ATP6V1G2: variants seen among roughly 807,000 people sequenced by gnomAD.
ATP6V1G2 encodes ATPase H+ transporting V1 subunit G2.
In ATP6V1G2, 14 loss-of-function variants were observed where a neutral mutation model predicts 17.8. That is an observed-to-expected ratio of 0.79 (90% CI 0.52 to 1.23). ATP6V1G2 has a LOEUF of 1.23. Ranked by LOEUF, ATP6V1G2 falls within the 50% of genes most tolerant of loss-of-function variation. The pLI is 0.00. For synonymous variants in ATP6V1G2, 57 were observed against 54.8 expected, an observed-to-expected ratio of 1.04 and a Z score of -0.17; for missense variants, 112 against 152.2, an observed-to-expected ratio of 0.74 and a Z score of 1.39.
Position 31,546,036 on chromosome 6 carries a change from C to T in ATP6V1G2, c.183+73G>A. Reference sequence around the variant, plus strand: ...CTGCCACCATATTTTCTTGTTGAGTCACCCTTACACACCTCACTAGATGCA... The same window carrying T: ...CTGCCACCATATTTTCTTGTTGAGTTACCCTTACACACCTCACTAGATGCA... On this transcript the variant is annotated intron_variant, in intron 2 of 2. Transcript: ENST00000303892. The surrounding 1 kb of genome is among the most constrained non-coding windows in gnomAD (Gnocchi z 4.1). 1 of 1,458,928 alleles carries T rather than the reference C, an allele frequency of 6.9e-7. No individual in the cohort carries two copies. The highest frequency in any genetic ancestry group is 1.4e-5 in the African/African-American group (1 of 71,702). 90.4% of individuals were successfully genotyped at this position (1,458,928 alleles called of 1,614,324 possible).
At position 31,545,183 on chromosome 6, in the gene ATP6V1G2, A is replaced by C; in HGVS notation, c.*225T>G. The C allele has an allele frequency of 1.6e-6, 1 of 616,904 alleles. No individual in the cohort carries two copies. The highest frequency in any genetic ancestry group is 2.8e-6 in the Non-Finnish European group (1 of 357,856). The allele number at this position is 616,904 out of a possible 1,614,324, so 38.2% of individuals were successfully genotyped here. A position where few individuals can be genotyped will look rare whatever the true frequency, so the allele number is the denominator to read the frequency against. The stretch of plus-strand genomic sequence containing the variant: ...ACAAATTTCACAGAGGGTTTAGGTG[A>C]GAATGACTTGGAAGTTTACAAAGTC... On this transcript the variant is annotated 3_prime_UTR_variant, in exon 3 of 3. Coordinates refer to ENST00000303892, the MANE Select transcript of ATP6V1G2 (RefSeq NM_130463.4). This position sits in a 1 kb window ranked among gnomAD's most constrained non-coding sequence, Gnocchi z 4.9.
Position 31,544,776 on chromosome 6 carries a change from C to G in ATP6V1G2, c.*632G>C, listed in dbSNP as rs1453240903. ...GAAGGTCTCTGGGAAAAGAGAAGAA[C>G]CAATTTTTCAGAAAATAACTAGGGT... On this transcript the variant is annotated 3_prime_UTR_variant, in exon 3 of 3. Transcript: ENST00000303892. 1 of 456,236 alleles carries G rather than the reference C, an allele frequency of 2.2e-6. No individual in the cohort carries two copies. The highest frequency in any genetic ancestry group is 4.4e-6 in the Non-Finnish European group (1 of 226,824). 28.3% of individuals were successfully genotyped at this position (456,236 alleles called of 1,614,324 possible).
chr6:31,546,134 T>C lies in ATP6V1G2; in HGVS notation c.158A>G (p.His53Arg), dbSNP rs200015995. 47 of 1,614,022 alleles carry C rather than the reference T, an allele frequency of 2.9e-5. No homozygotes were observed. The East Asian group carries it at 1.0e-3, about 36-fold the overall frequency. ...CGCCTGCTGCTTGCTCTGGAATTCG[T>C]GCTCTCGCTCTCTGCGGTATTGCTC... ...EVEQYRREREHEFQSKQQAAM... is the reference protein window; with the variant it reads ...EVEQYRREREREFQSKQQAAM... Residue 53 changes from histidine to arginine, a missense_variant, in exon 2 of 3, where the codon CAC becomes CGC. Transcript: ENST00000303892. This position sits in a 1 kb window ranked among gnomAD's most constrained non-coding sequence, Gnocchi z 4.1.
rs1768930015 is a variant in ATP6V1G2 at position 31,545,781 on chromosome 6, T to C, written c.184-200A>G. On this transcript the variant is annotated intron_variant, in intron 2 of 2. Coordinates refer to ENST00000303892, the MANE Select transcript of ATP6V1G2 (RefSeq NM_130463.4). The surrounding 1 kb of genome is among the most constrained non-coding windows in gnomAD (Gnocchi z 4.9). Reference sequence around the variant, plus strand: ...CCCTTAGACCTAACATGCAACTTCATCCTAAAACAGACCGTAATATCCCCA... The same window carrying C: ...CCCTTAGACCTAACATGCAACTTCACCCTAAAACAGACCGTAATATCCCCA... 3 of 651,782 alleles carry C rather than the reference T, an allele frequency of 4.6e-6. No individual in the cohort carries two copies. In the South Asian group the frequency reaches 5.9e-5, roughly 13 times the overall value. 40.4% of individuals were successfully genotyped at this position (651,782 alleles called of 1,614,324 possible).
At position 31,545,372 on chromosome 6, in the gene ATP6V1G2, G is replaced by A; in HGVS notation, c.*36C>T. 2 of 1,597,336 alleles carry A rather than the reference G, an allele frequency of 1.3e-6. No individual in the cohort carries two copies. Among genetic ancestry groups the A allele is most frequent in the South Asian group, 2.2e-5 (2 of 89,438 alleles). ...TTGATTGGAGGATTTCTTTGAGGGA[G>A]GGAACTGGCAGAAGGAGTCAGGCCC... On this transcript the variant is annotated 3_prime_UTR_variant, in exon 3 of 3. Transcript: ENST00000303892. The surrounding 1 kb of genome is among the most constrained non-coding windows in gnomAD (Gnocchi z 4.9).
chr6:31,544,618 A>G lies in ATP6V1G2; in HGVS notation c.*790T>C, dbSNP rs564346773. On this transcript the variant is annotated 3_prime_UTR_variant, in exon 3 of 3. Coordinates refer to ENST00000303892, the MANE Select transcript of ATP6V1G2 (RefSeq NM_130463.4). ...GAGCATCTGATAAGTCTTTGGGGAA[A>G]TAGGAAAGGAGGAAAATCTAATAAA... 10 of 439,242 alleles carry G rather than the reference A, an allele frequency of 2.3e-5. No homozygotes were observed. Among genetic ancestry groups the G allele is most frequent in the African/African-American group, 8.2e-5 (4 of 48,934 alleles). 27.2% of individuals were successfully genotyped at this position (439,242 alleles called of 1,614,324 possible). A position where few individuals can be genotyped will look rare whatever the true frequency, so the allele number is the denominator to read the frequency against.
At position 31,545,883 on chromosome 6, in the gene ATP6V1G2, T is replaced by C. The variant is rs1163172344; in HGVS notation, c.183+226A>G. The C allele has an allele frequency of 4.5e-5, 28 of 617,770 alleles. No individual in the cohort carries two copies. The Admixed American group carries it at 7.4e-4, about 16-fold the overall frequency. 38.3% of individuals were successfully genotyped at this position (617,770 alleles called of 1,614,324 possible). ...TCATACTCCACATAGATGTTATACT[T>C]TACACAGACTGTGGCATTCCGCCCA... On this transcript the variant is annotated intron_variant, in intron 2 of 2. Coordinates refer to ENST00000303892, the MANE Select transcript of ATP6V1G2 (RefSeq NM_130463.4). The surrounding 1 kb of genome is among the most constrained non-coding windows in gnomAD (Gnocchi z 4.9).
chr6:31,546,201 G>A lies in ATP6V1G2; in HGVS notation c.91C>T (p.Arg31Trp). 7 of 1,613,878 alleles carry A rather than the reference G, an allele frequency of 4.3e-6. No individual in the cohort carries two copies. The highest frequency in any genetic ancestry group is 5.1e-6 in the Non-Finnish European group (6 of 1,179,976). Residue 31 changes from arginine (R) to tryptophan (W), a missense_variant, in exon 2 of 3, where the codon CGG (arginine) becomes TGG (tryptophan). Transcript: ENST00000303892. This position sits in a 1 kb window ranked among gnomAD's most constrained non-coding sequence, Gnocchi z 4.1. Reference sequence around the variant, plus strand: ...TCCTCCTTTGCCTGCTTCAGTCGCCGGGCCTTCCCTGGAGGCAGAAGAAAG... The same window carrying A: ...TCCTCCTTTGCCTGCTTCAGTCGCCAGGCCTTCCCTGGAGGCAGAAGAAAG... Reference protein sequence around the residue: ...KVADARKRKARRLKQAKEEAQ... With the variant: ...KVADARKRKAWRLKQAKEEAQ...
chr6:31,546,060 C>T lies in ATP6V1G2; in HGVS notation c.183+49G>A. 6.3e-7 allele frequency: 1 copy of T among 1,577,326 alleles called. No individual in the cohort carries two copies. Among genetic ancestry groups the T allele is most frequent in the Non-Finnish European group, 8.7e-7 (1 of 1,146,640 alleles). Reference sequence around the variant, plus strand: ...TCACCCTTACACACCTCACTAGATGCACCCACCAACTTGCAGTGGGGTCTC... The same window carrying T: ...TCACCCTTACACACCTCACTAGATGTACCCACCAACTTGCAGTGGGGTCTC... On this transcript the variant is annotated intron_variant, in intron 2 of 2. Transcript: ENST00000303892. This position sits in a 1 kb window ranked among gnomAD's most constrained non-coding sequence, Gnocchi z 4.1.
Position 31,545,404 on chromosome 6 carries a change from GGCCCTAGGCAGAAAT to G in ATP6V1G2, c.346_*3del. 1 of 1,613,392 alleles carries G rather than the reference GGCCCTAGGCAGAAAT, an allele frequency of 6.2e-7. No homozygotes were observed. The highest frequency in any genetic ancestry group is 8.5e-7 in the Non-Finnish European group (1 of 1,179,720). ...GGCAGAAGGAGTCAGGCCCTACGGT[GGCCCTAGGCAGAAAT>G]CCGGTAGTTGGGGTGGACCTGGGGC... On this transcript the variant is annotated stop_lost and 3_prime_UTR_variant, in exon 3 of 3. Coordinates refer to ENST00000303892, the MANE Select transcript of ATP6V1G2 (RefSeq NM_130463.4). This position sits in a 1 kb window ranked among gnomAD's most constrained non-coding sequence, Gnocchi z 4.9.
At position 31,545,260 on chromosome 6, in the gene ATP6V1G2, A is replaced by G. The variant is rs1768870855; in HGVS notation, c.*148T>C. ...AGATTCAGATGTGAGCAGGATATTT[A>G]TAAGTGTCACAGGAAAATTATTGGA... On this transcript the variant is annotated 3_prime_UTR_variant, in exon 3 of 3. Coordinates refer to ENST00000303892, the MANE Select transcript of ATP6V1G2 (RefSeq NM_130463.4). This position sits in a 1 kb window ranked among gnomAD's most constrained non-coding sequence, Gnocchi z 4.9. 2.2e-6 allele frequency: 2 copies of G among 924,036 alleles called. No individual in the cohort carries two copies. Among genetic ancestry groups the G allele is most frequent in the East Asian group, 2.6e-5 (1 of 37,820 alleles). The allele number at this position is 924,036 out of a possible 1,614,324, so 57.2% of individuals were successfully genotyped here.
chr6:31,545,249 G>A lies in ATP6V1G2; in HGVS notation c.*159C>T, dbSNP rs1489433503. On this transcript the variant is annotated 3_prime_UTR_variant, in exon 3 of 3. Transcript: ENST00000303892. The surrounding 1 kb of genome is among the most constrained non-coding windows in gnomAD (Gnocchi z 4.9). ...GAACAACAAGGAGATTCAGATGTGA[G>A]CAGGATATTTATAAGTGTCACAGGA... 3.6e-6 allele frequency: 3 copies of A among 841,436 alleles called. No individual in the cohort carries two copies. Among genetic ancestry groups the A allele is most frequent in the Non-Finnish European group, 3.7e-6 (2 of 547,708 alleles). The allele number at this position is 841,436 out of a possible 1,614,324, so 52.1% of individuals were successfully genotyped here.
chr6:31,545,765 C>G lies in ATP6V1G2; in HGVS notation c.184-184G>C, dbSNP rs557208378. 3 of 688,484 alleles carry G rather than the reference C, an allele frequency of 4.4e-6. No homozygotes were observed. The highest frequency in any genetic ancestry group is 2.9e-5 in the Admixed American group (1 of 34,098). The allele number at this position is 688,484 out of a possible 1,614,324, so 42.6% of individuals were successfully genotyped here. ...AACACAGTCCCCTTTCCCCTTAGACCTAACATGCAACTTCATCCTAAAACA... is the reference window on the plus strand; with the variant it reads ...AACACAGTCCCCTTTCCCCTTAGACGTAACATGCAACTTCATCCTAAAACA... On this transcript the variant is annotated intron_variant, in intron 2 of 2. Transcript: ENST00000303892. The surrounding 1 kb of genome is among the most constrained non-coding windows in gnomAD (Gnocchi z 4.9).
Position 31,545,423 on chromosome 6 carries a change from G to A in ATP6V1G2, c.342C>T (p.Tyr114=). ...CDVRPQVHPN[Y]RISA ...TACGGTGGCCCTAGGCAGAAATCCG[G>A]TAGTTGGGGTGGACCTGGGGCCTGA... Residue 114 remains tyrosine (Y), a synonymous_variant, in exon 3 of 3, where the codon TAC becomes TAT. Coordinates refer to ENST00000303892, the MANE Select transcript of ATP6V1G2 (RefSeq NM_130463.4). The surrounding 1 kb of genome is among the most constrained non-coding windows in gnomAD (Gnocchi z 4.9). 6.2e-7 allele frequency: 1 copy of A among 1,613,946 alleles called. No homozygotes were observed. The highest frequency in any genetic ancestry group is 8.5e-7 in the Non-Finnish European group (1 of 1,179,950).
chr6:31,546,574 C>G lies in ATP6V1G2; in HGVS notation c.-15G>C. Reference sequence around the variant, plus strand: ...TGACTGGCCATTTCTGTTGTTATGGCCGATGCTGTTTTGAATGCTGTCAAA... The same window carrying G: ...TGACTGGCCATTTCTGTTGTTATGGGCGATGCTGTTTTGAATGCTGTCAAA... On this transcript the variant is annotated 5_prime_UTR_variant, in exon 1 of 3. Transcript: ENST00000303892. The surrounding 1 kb of genome is among the most constrained non-coding windows in gnomAD (Gnocchi z 4.1). The G allele has an allele frequency of 6.2e-7, 1 of 1,611,562 alleles. No individual in the cohort carries two copies. The highest frequency in any genetic ancestry group is 8.5e-7 in the Non-Finnish European group (1 of 1,178,320).
rs1480956037 is a variant in ATP6V1G2 at position 31,544,816 on chromosome 6, G to T, written c.*592C>A. 4.8e-5 allele frequency: 22 copies of T among 455,410 alleles called. No individual in the cohort carries two copies. Among genetic ancestry groups the T allele is most frequent in the Non-Finnish European group, 8.8e-5 (20 of 226,582 alleles). 28.2% of individuals were successfully genotyped at this position (455,410 alleles called of 1,614,324 possible). A position where few individuals can be genotyped will look rare whatever the true frequency, so the allele number is the denominator to read the frequency against. On this transcript the variant is annotated 3_prime_UTR_variant, in exon 3 of 3. Coordinates refer to ENST00000303892, the MANE Select transcript of ATP6V1G2 (RefSeq NM_130463.4). The stretch of plus-strand genomic sequence containing the variant: ...ATAACTAGGGTCACAGAATGAACAA[G>T]TGGAATTAGAGAGCCAGTGATGGAC...
chr6:31,545,441 G>T lies in ATP6V1G2; in HGVS notation c.324C>A (p.Pro108=). The T allele has an allele frequency of 6.2e-7, 1 of 1,613,984 alleles. No homozygotes were observed. The highest frequency in any genetic ancestry group is 1.3e-5 in the African/African-American group (1 of 75,034). Reference sequence around the variant, plus strand: ...AAATCCGGTAGTTGGGGTGGACCTGGGGCCTGACGTCGCAGACCATGCCAA... The same window carrying T: ...AAATCCGGTAGTTGGGGTGGACCTGTGGCCTGACGTCGCAGACCATGCCAA... ...QLLGMVCDVR[P]QVHPNYRISA is the part of the protein sequence containing the mutation. The change falls in exon 3 of 3, where the codon CCC becomes CCA. Residue 108 remains proline (P), a synonymous_variant. Coordinates refer to ENST00000303892, the MANE Select transcript of ATP6V1G2 (RefSeq NM_130463.4). This position sits in a 1 kb window ranked among gnomAD's most constrained non-coding sequence, Gnocchi z 4.9.
rs546830939 is a variant in ATP6V1G2, at chr6:31,544,681, A to G, written c.*727T>C. The G allele has an allele frequency of 6.6e-5, 30 of 455,822 alleles. No individual in the cohort carries two copies. The highest frequency in any genetic ancestry group is 5.4e-4 in the African/African-American group (27 of 50,140). The allele number at this position is 455,822 out of a possible 1,614,324, so 28.2% of individuals were successfully genotyped here. Reference sequence around the variant, plus strand: ...CAAAAGAAAAACAAAGAGAGGCTACAAAATGCAGTTATCTACCTGGAATTA... The same window carrying G: ...CAAAAGAAAAACAAAGAGAGGCTACGAAATGCAGTTATCTACCTGGAATTA... On this transcript the variant is annotated 3_prime_UTR_variant, in exon 3 of 3. Coordinates refer to ENST00000303892, the MANE Select transcript of ATP6V1G2 (RefSeq NM_130463.4).
Position 31,544,871 on chromosome 6 carries a change from A to G in ATP6V1G2, c.*537T>C, listed in dbSNP as rs1768839536. On this transcript the variant is annotated 3_prime_UTR_variant, in exon 3 of 3. Coordinates refer to ENST00000303892, the MANE Select transcript of ATP6V1G2 (RefSeq NM_130463.4). ...GGAAACAGCTGTGTAGGTTTTGACC[A>G]GTGAGCAGGTGGTGGTAATAGTATC... The G allele has an allele frequency of 2.3e-6, 1 of 432,178 alleles. No individual in the cohort carries two copies. The highest frequency in any genetic ancestry group is 2.7e-5 in the Admixed American group (1 of 37,430). 26.8% of individuals were successfully genotyped at this position (432,178 alleles called of 1,614,324 possible). A position where few individuals can be genotyped will look rare whatever the true frequency, so the allele number is the denominator to read the frequency against.
Sources: allele counts gnomAD v4.1 joint callset, GRCh38; gene constraint gnomAD v4.1.1; non-coding constraint Gnocchi (gnomAD v3.1); transcripts MANE v1.5; gene names NCBI Gene and HGNC (gene_info 2026-07-23, HGNC 2026-07-21).